Variants in ACAD10 observed in about 807,000 individuals in gnomAD.
ACAD10 encodes ACAD-10.
Under a neutral mutation model 116.8 loss-of-function variants are expected in ACAD10, and 112 were observed. The observed-to-expected ratio is 0.96, with a 90% CI of 0.82 to 1.12. The LOEUF is 1.12. Among genes scored for constraint, ACAD10 ranks in the 50% most tolerant of loss-of-function variants. ACAD10 has a pLI of 0.00. For missense variants in ACAD10, 1,259 were observed against 1,350.2 expected, an observed-to-expected ratio of 0.93 and a Z score of 1.06; for synonymous variants, 486 against 510.6, an observed-to-expected ratio of 0.95 and a Z score of 0.65.
At chr12:111,725,867 CCTAA>C (rs772608658) in intron 8 of ACAD10, among the ~76,000 whole-genome samples, 3 of 152,056 alleles carry the variant, frequency 2.0e-5, no homozygotes, top group Non-Finnish European at 2.9e-5. Context: ...CACCAGTATA[CCTAA>C]CTAACAATTA....
In ACAD10 at chr12:111,728,026, C is replaced by G; in HGVS notation, c.1126C>G (p.Leu376Val). Residue 376 changes from leucine (L) to valine (V), a missense_variant, in exon 9 of 21, where the codon CTG becomes GTG. Coordinates refer to ENST00000313698, the MANE Select transcript of ACAD10 (RefSeq NM_025247.6). ...AGGTCTCATCTACAAAGACCCTTCC[C>G]TGCCAGGCTTGGAGCCCAGCCACAG... ...CPGLIYKDPSLPGLEPSHRRA... is the reference protein window; with the variant it reads ...CPGLIYKDPSVPGLEPSHRRA... The G allele has an allele frequency of 6.2e-7, 1 of 1,614,172 alleles. No homozygotes were observed.
chr12:111,748,845 C>T, intron 17 of ACAD10: 1 of 738,636 alleles, frequency 1.4e-6, no homozygotes, highest in Non-Finnish European at 2.2e-6. Context: ...TGGTTCTCTG[C>T]TAATAGTGTT....
chr12:111,706,543 A>G (rs962627876), intron 4 of ACAD10, among the ~76,000 whole-genome samples: 1 of 151,884 alleles, frequency 6.6e-6, no homozygotes, highest in African/African-American at 2.4e-5. Flanking sequence ...TCTGCTTCCC[A>G]GGTTCAAGTG....
intron 2 of ACAD10, among the ~76,000 whole-genome samples, chr12:111,695,571 A>G (rs1199811513): frequency 6.6e-6 from 1 of 152,118 alleles, no homozygotes; most frequent in Non-Finnish European, 1.5e-5. Context: ...TTGCAGTGTT[A>G]GCTCTGCAGG....
chr12:111,729,364 A>G (rs1292090023), intron 9 of ACAD10, among the ~76,000 whole-genome samples: 1 of 152,110 alleles, frequency 6.6e-6, no homozygotes, highest in Non-Finnish European at 1.5e-5. Flanking sequence ...CAGCCTCCCA[A>G]GTAGCTGGGA....
At chr12:111,732,146 T>C (rs1889404379) in intron 10 of ACAD10, among the ~76,000 whole-genome samples, 1 of 152,130 alleles carries the variant, frequency 6.6e-6, no homozygotes, top group Non-Finnish European at 1.5e-5. Flanking sequence ...CTACAACCCA[T>C]CGTTTCTTGT....
At chr12:111,730,790 C>T (rs981800299) in intron 10 of ACAD10, among the ~76,000 whole-genome samples, 4 of 150,538 alleles carry the variant, frequency 2.7e-5, no homozygotes, top group African/African-American at 4.9e-5. Context: ...CTCACTCAGT[C>T]GCCCAGGCTG....
chr12:111,740,384 C>T (rs927424605), intron 12 of ACAD10, among the ~76,000 whole-genome samples: 1 of 150,888 alleles, frequency 6.6e-6, no homozygotes, highest in Non-Finnish European at 1.5e-5. Flanking sequence ...TCACTTGAAC[C>T]CGGGAGGCAG....
chr12:111,740,831 A>G (rs1889718632), intron 12 of ACAD10, among the ~76,000 whole-genome samples: 1 of 152,040 alleles, frequency 6.6e-6, no homozygotes, highest in Non-Finnish European at 1.5e-5. Context: ...TCCAAAAGCA[A>G]AACTTAAAAA....
chr12:111,730,050 A>G lies in ACAD10; in HGVS notation c.1394+94A>G, dbSNP rs972989299. 8 of 1,469,166 alleles carry G rather than the reference A, an allele frequency of 5.4e-6. No individual in the cohort carries two copies. In the African/African-American group the frequency reaches 1.1e-4, roughly 21 times the overall value. The allele number at this position is 1,469,166 out of a possible 1,614,324, so 91.0% of individuals were successfully genotyped here. A position where few individuals can be genotyped will look rare whatever the true frequency, so the allele number is the denominator to read the frequency against. ...GTCTTGGTGCAATTTACAGCTGGGAATTATTCCTATTACAAAGCACCTGTC... is the reference window on the plus strand; with the variant it reads ...GTCTTGGTGCAATTTACAGCTGGGAGTTATTCCTATTACAAAGCACCTGTC... On this transcript the variant is annotated intron_variant, in intron 10 of 20. Transcript: ENST00000313698.
intron 10 of ACAD10, among the ~76,000 whole-genome samples, chr12:111,733,059 G>A (rs1566160445): frequency 6.6e-6 from 1 of 152,084 alleles, no homozygotes; most frequent in Non-Finnish European, 1.5e-5. Flanking sequence ...GTTCCCACAT[G>A]GTCTCTCCAG....
intron 5 of ACAD10, among the ~76,000 whole-genome samples, chr12:111,712,032 G>T (rs1888699717): frequency 6.6e-6 from 1 of 151,880 alleles, no homozygotes; most frequent in East Asian, 1.9e-4. Context: ...CTCTACCTTT[G>T]CCTCTTTTAA....
chr12:111,699,244 T>C (rs1037998803), intron 2 of ACAD10, among the ~76,000 whole-genome samples: 1 of 152,212 alleles, frequency 6.6e-6, no homozygotes, highest in African/African-American at 2.4e-5. Flanking sequence ...TTTACTGTAT[T>C]GGGAATTTGT....
At chr12:111,732,950 G>A (rs975835819) in intron 10 of ACAD10, among the ~76,000 whole-genome samples, 1 of 152,234 alleles carries the variant, frequency 6.6e-6, no homozygotes, top group Non-Finnish European at 1.5e-5. Context: ...CGGCTGTCGG[G>A]TGGGGCTGGA....
intron 1 of ACAD10, among the ~76,000 whole-genome samples, 162 bp from the exon 2 acceptor site, chr12:111,692,535 A>G (rs1167755269): frequency 6.6e-6 from 1 of 152,184 alleles, no homozygotes; most frequent in African/African-American, 2.4e-5. Context: ...TTGACTAAGT[A>G]GCCAGGGAGG....
chr12:111,724,553 G>A (rs1186330627), intron 8 of ACAD10, among the ~76,000 whole-genome samples: 4 of 152,224 alleles, frequency 2.6e-5, no homozygotes, highest in African/African-American at 4.8e-5. Flanking sequence ...CTGCAATCCC[G>A]GCACCTCGGG....
intron 12 of ACAD10, among the ~76,000 whole-genome samples, chr12:111,742,826 C>T (rs1593050167): frequency 6.6e-6 from 1 of 152,276 alleles, no homozygotes; most frequent in Non-Finnish European, 1.5e-5. Flanking sequence ...TCTCCTGCCT[C>T]AGCCTCCCCG....
At chr12:111,714,424 T>G (rs147580273) in intron 6 of ACAD10, among the ~76,000 whole-genome samples, 2,367 of 150,572 alleles carry the variant, frequency 0.016, 71 homozygotes, top group African/African-American at 0.054. Flanking sequence ...TACCACTTTG[T>G]GAGGCTGAGG....
intron 4 of ACAD10, among the ~76,000 whole-genome samples, chr12:111,708,686 G>A (rs1190443642): frequency 1.3e-5 from 2 of 152,088 alleles, no homozygotes. Context: ...TCTTAGGGCA[G>A]ATCAGAGGGT....
Sources: allele counts gnomAD v4.1 joint callset (sites outside exome capture counted in the v4.1 genomes callset), GRCh38; gene constraint gnomAD v4.1.1; transcripts MANE v1.5; gene names NCBI Gene and HGNC (gene_info 2026-07-23, HGNC 2026-07-21).